PTPRD: variants seen among roughly 807,000 people sequenced by gnomAD.
PTPRD encodes receptor-type tyrosine-protein phosphatase delta.
In PTPRD, 34 loss-of-function variants were observed where a neutral mutation model predicts 214.5. The observed-to-expected ratio is 0.16, with a 90% CI of 0.12 to 0.21. The LOEUF is 0.21. Ranked by LOEUF, PTPRD falls within the 10% of genes least tolerant of loss-of-function variation. The probability of loss-of-function intolerance (pLI) is 1.00; values close to 1 mark genes in which losing one functional copy is unlikely to be tolerated. For synonymous variants in PTPRD, 1,128 were observed against 845.7 expected (o/e 1.33, Z -5.79); for missense variants, 2,545 against 2,398.7 (o/e 1.06, Z -1.27).
intron 11 of PTPRD, among the ~76,000 whole-genome samples, chr9:8,927,513 C>G (rs559641835): frequency 6.6e-6 from 1 of 152,252 alleles, no homozygotes; most frequent in Admixed American, 6.5e-5. Flanking sequence ...CCAGCTTCAT[C>G]CATGTTCCTG....
chr9:9,574,877 T>C (rs1733494047), intron 7 of PTPRD, 96 bp from the exon 8 acceptor site: 2 of 152,118 alleles, frequency 1.3e-5, no homozygotes, highest in South Asian at 2.1e-4. Flanking sequence ...TGAGAAATGT[T>C]ATTATATGAG....
chr9:9,592,391 C>T (rs893013670), intron 7 of PTPRD, among the ~76,000 whole-genome samples: 4 of 152,008 alleles, frequency 2.6e-5, no homozygotes, highest in East Asian at 3.9e-4. Flanking sequence ...GTTTCTTCCT[C>T]CATGTATGCT....
At chr9:10,406,249 A>T (rs1385969578) in intron 2 of PTPRD, among the ~76,000 whole-genome samples, 1 of 151,484 alleles carries the variant, frequency 6.6e-6, no homozygotes, top group Non-Finnish European at 1.5e-5. Flanking sequence ...ATAATTTAAA[A>T]AGAGAAAATT....
chr9:9,839,612 A>G (rs2057779775), intron 5 of PTPRD, among the ~76,000 whole-genome samples: 1 of 152,176 alleles, frequency 6.6e-6, no homozygotes, highest in Non-Finnish European at 1.5e-5. Flanking sequence ...AATATCGTGA[A>G]AATGGCCATA....
chr9:9,050,407 T>C (rs2099682603), intron 10 of PTPRD, among the ~76,000 whole-genome samples: 1 of 152,156 alleles, frequency 6.6e-6, no homozygotes, highest in South Asian at 2.1e-4. Flanking sequence ...CCCATTATAT[T>C]ACATGGTCTC....
At chr9:10,096,807 C>G (rs940694205) in intron 3 of PTPRD, among the ~76,000 whole-genome samples, 14 of 151,916 alleles carry the variant, frequency 9.2e-5, no homozygotes, top group Non-Finnish European at 1.9e-4. Flanking sequence ...GACATGAAGT[C>G]CTTGCCCATG....
intron 2 of PTPRD, among the ~76,000 whole-genome samples, chr9:10,359,687 C>T (rs1354105224): frequency 6.6e-6 from 1 of 152,092 alleles, no homozygotes; most frequent in Non-Finnish European, 1.5e-5. Flanking sequence ...CTGCAGCGAA[C>T]TAAGTTCTGC....
intron 11 of PTPRD, among the ~76,000 whole-genome samples, chr9:8,843,512 C>T (rs548902919): frequency 5.3e-5 from 8 of 152,228 alleles, no homozygotes; most frequent in African/African-American, 1.2e-4. Flanking sequence ...CGTTCTATGT[C>T]GGTGCTGGTT....
intron 2 of PTPRD, among the ~76,000 whole-genome samples, chr9:10,516,230 A>G (rs766704640): frequency 6.6e-6 from 1 of 151,772 alleles, no homozygotes; most frequent in Non-Finnish European, 1.5e-5. Context: ...TATCCTGATC[A>G]ACACTTGTCT....
chr9:10,454,864 A>G (rs2098894711), intron 2 of PTPRD, among the ~76,000 whole-genome samples: 1 of 151,494 alleles, frequency 6.6e-6, no homozygotes, highest in Non-Finnish European at 1.5e-5. Context: ...AGAAAACTCT[A>G]AGAGTGGTCC....
At chr9:9,052,164 A>G (rs2099687094) in intron 10 of PTPRD, among the ~76,000 whole-genome samples, 1 of 152,160 alleles carries the variant, frequency 6.6e-6, no homozygotes, top group South Asian at 2.1e-4. Context: ...GTGCTCCCAC[A>G]TGGCAGAAGG....
Position 9,855,261 on chromosome 9 carries a change from C to G in PTPRD, c.-368+83246G>C, listed in dbSNP as rs554345374. Reference sequence around the variant, plus strand: ...GAAGGAAATTTAAAAAAGGAAAAGCCAAAGGATCTATGACTTTCATTTATA... The same window carrying G: ...GAAGGAAATTTAAAAAAGGAAAAGCGAAAGGATCTATGACTTTCATTTATA... On this transcript the variant is annotated intron_variant, in intron 5 of 45. Coordinates refer to ENST00000381196, the MANE Select transcript of PTPRD (RefSeq NM_002839.4). Among the ~76,000 whole-genome samples, 3 of 152,178 alleles carry G rather than the reference C, an allele frequency of 2.0e-5. No individual in the cohort carries two copies. In the South Asian group the frequency reaches 6.2e-4, roughly 32 times the overall value.
intron 3 of PTPRD, among the ~76,000 whole-genome samples, chr9:10,107,862 G>A (rs1199465976): frequency 6.6e-6 from 1 of 151,978 alleles, no homozygotes; most frequent in Non-Finnish European, 1.5e-5. Context: ...TGGCCTAAAG[G>A]TATTACTAAC....
At chr9:9,827,784 C>A (rs2053452456) in intron 5 of PTPRD, among the ~76,000 whole-genome samples, 1 of 152,074 alleles carries the variant, frequency 6.6e-6, no homozygotes, top group Admixed American at 6.6e-5. Flanking sequence ...TATCTAGAAT[C>A]TACAAAGAAC....
intron 9 of PTPRD, among the ~76,000 whole-genome samples, chr9:9,250,367 C>G (rs183269868): frequency 2.0e-5 from 3 of 152,182 alleles, no homozygotes; most frequent in Admixed American, 6.6e-5. Flanking sequence ...ATACTAATAT[C>G]TGCCCTATCT....
At chr9:8,569,802 C>A (rs1288370794) in intron 14 of PTPRD, among the ~76,000 whole-genome samples, 3 of 149,156 alleles carry the variant, frequency 2.0e-5, no homozygotes, top group East Asian at 2.0e-4. Context: ...TTGGAAAAAA[C>A]CATACTAATT....
chr9:8,786,997 C>G (rs575387438), intron 11 of PTPRD, among the ~76,000 whole-genome samples: 91 of 152,146 alleles, frequency 6.0e-4, no homozygotes, highest in African/African-American at 2.1e-3. Flanking sequence ...CCACCACGCC[C>G]AGCTAATATT....
rs77437084 is a variant in PTPRD at position 9,199,094 on chromosome 9, A to C, written c.-202-15731T>G. Among the ~76,000 whole-genome samples, 564 of 152,292 alleles carry C rather than the reference A, an allele frequency of 3.7e-3. 6 individuals are homozygous for C. Among genetic ancestry groups the C allele is most frequent in the African/African-American group, 0.013 (544 of 41,584 alleles). On this transcript the variant is annotated intron_variant, in intron 9 of 45. Coordinates refer to ENST00000381196, the MANE Select transcript of PTPRD (RefSeq NM_002839.4). ...AGATTGAAAGACGGCTGAGAGCCTT[A>C]GGGCTTCTCTGATGATGAGTGCACA... is the stretch of plus-strand genomic sequence containing the variant.
intron 11 of PTPRD, among the ~76,000 whole-genome samples, chr9:8,791,910 G>A (rs904306543): frequency 6.6e-6 from 1 of 152,144 alleles, no homozygotes; most frequent in African/African-American, 2.4e-5. Flanking sequence ...TGACTGCAAT[G>A]GACAGCCAGA....
Sources: allele counts gnomAD v4.1 joint callset (sites outside exome capture counted in the v4.1 genomes callset), GRCh38; gene constraint gnomAD v4.1.1; transcripts MANE v1.5; gene names NCBI Gene and HGNC (gene_info 2026-07-23, HGNC 2026-07-21).